DAW1: variants seen among roughly 807,000 people sequenced by gnomAD.
DAW1 encodes the protein dynein assembly factor with WD repeat domains 1.
In DAW1, 47 loss-of-function variants were observed where a neutral mutation model predicts 56.5. That is an observed-to-expected ratio of 0.83 (90% CI 0.66 to 1.06). DAW1 has a LOEUF of 1.06. Ranked by LOEUF, DAW1 falls within the 50% of genes least tolerant of loss-of-function variation. DAW1 has a pLI of 0.00. For synonymous variants in DAW1, 190 were observed against 179.0 expected, an observed-to-expected ratio of 1.06 and a Z score of -0.49; for missense variants, 505 against 499.3, an observed-to-expected ratio of 1.01 and a Z score of -0.11.
chr2:227,871,767 C>T (rs1690755570), intron 1 of DAW1, 38 bp downstream of exon 1: 4 of 1,612,238 alleles, frequency 2.5e-6, no homozygotes, highest in African/African-American at 2.7e-5. Context: ...CCACGTGGGA[C>T]CCTGGGCTCC....
intron 12 of DAW1, among the ~76,000 whole-genome samples, chr2:227,923,581 A>G (rs1196445392): frequency 1.3e-5 from 2 of 152,066 alleles, no homozygotes; most frequent in Admixed American, 6.6e-5. Context: ...GAGATATTCA[A>G]AGTTGCTGTA....
At chr2:227,886,058 T>C (rs1389143631) in intron 2 of DAW1, among the ~76,000 whole-genome samples, 1 of 150,088 alleles carries the variant, frequency 6.7e-6, no homozygotes, top group Non-Finnish European at 1.5e-5. Context: ...CATTGCATCC[T>C]CCGCCTCCTG....
At chr2:227,875,071 A>T (rs1160442785) in intron 1 of DAW1, among the ~76,000 whole-genome samples, 1 of 152,174 alleles carries the variant, frequency 6.6e-6, no homozygotes, top group South Asian at 2.1e-4. Flanking sequence ...TCCACCGTAC[A>T]TCTCATGTGG....
At chr2:227,918,641 G>C in intron 10 of DAW1, 139 bp from the exon 11 acceptor site, 1 of 860,876 alleles carries the variant, frequency 1.2e-6, no homozygotes, top group Non-Finnish European at 1.8e-6. Context: ...TAAGTATCTG[G>C]CTCTCAACAC....
chr2:227,889,808 C>T, intron 2 of DAW1, 48 bp from the exon 3 acceptor site: 1 of 1,497,396 alleles, frequency 6.7e-7, no homozygotes, highest in Non-Finnish European at 8.9e-7. Flanking sequence ...TAGGTATATG[C>T]AAATTTTGAC....
intron 6 of DAW1, among the ~76,000 whole-genome samples, chr2:227,901,804 AG>A (rs1380122439): frequency 1.3e-5 from 2 of 152,164 alleles, no homozygotes; most frequent in Non-Finnish European, 2.9e-5. Context: ...AGTTGCTAAG[AG>A]GGGTACATAA....
At chr2:227,873,575 G>A (rs577275280) in intron 1 of DAW1, among the ~76,000 whole-genome samples, 20 of 152,228 alleles carry the variant, frequency 1.3e-4, no homozygotes, top group African/African-American at 4.6e-4. Flanking sequence ...TTTCTCCAAT[G>A]GGAAGTTGAC....
At chr2:227,910,796 C>A (rs564069669) in intron 10 of DAW1, among the ~76,000 whole-genome samples, 141 of 152,214 alleles carry the variant, frequency 9.3e-4, no homozygotes, top group Admixed American at 1.9e-3. Context: ...CATCATTTCC[C>A]TGACTACTAT....
chr2:227,907,067 C>A (rs1158306022), intron 9 of DAW1, 71 bp from the exon 10 acceptor site: 6 of 1,061,966 alleles, frequency 5.6e-6, no homozygotes, highest in Non-Finnish European at 8.3e-6. Flanking sequence ...ATGAAGACCA[C>A]TGGCCATCTT....
intron 12 of DAW1, among the ~76,000 whole-genome samples, chr2:227,923,311 A>G (rs1185761456): frequency 6.6e-6 from 1 of 152,222 alleles, no homozygotes; most frequent in Admixed American, 6.5e-5. Flanking sequence ...TGGATTTAGA[A>G]TCACAAAGTA....
intron 6 of DAW1, among the ~76,000 whole-genome samples, chr2:227,902,061 G>A (rs1691559118): frequency 6.6e-6 from 1 of 152,096 alleles, no homozygotes; most frequent in Non-Finnish European, 1.5e-5. Flanking sequence ...GGAGGGGTGA[G>A]GATGGAAGTA....
At chr2:227,879,237 T>C (rs1245388256) in intron 1 of DAW1, among the ~76,000 whole-genome samples, 1 of 152,338 alleles carries the variant, frequency 6.6e-6, no homozygotes. Context: ...AAGCTGCTGA[T>C]GTGGAATATT....
At chr2:227,875,318 A>G (rs979779304) in intron 1 of DAW1, among the ~76,000 whole-genome samples, 3 of 152,186 alleles carry the variant, frequency 2.0e-5, no homozygotes, top group African/African-American at 7.2e-5. Flanking sequence ...TCTATATGGC[A>G]ATGGGATGGC....
chr2:227,897,093 G>GAAAAAAAAAAAA (rs200209188), intron 5 of DAW1, among the ~76,000 whole-genome samples: 1 of 92,306 alleles, frequency 1.1e-5, no homozygotes. Flanking sequence ...CTCAAAAAAA[G>GAAAAAAAAAAAA]AAAAAAAAAA....
At chr2:227,907,105 T>C in intron 9 of DAW1, 33 bp from the exon 10 acceptor site, 1 of 1,439,772 alleles carries the variant, frequency 6.9e-7, no homozygotes, top group Non-Finnish European at 9.5e-7. Flanking sequence ...GTCATAGTCT[T>C]TTTTTTTTTG....
chr2:227,893,470 A>T (rs930826002), intron 4 of DAW1, among the ~76,000 whole-genome samples: 1 of 152,066 alleles, frequency 6.6e-6, no homozygotes, highest in Non-Finnish European at 1.5e-5. Context: ...GTTCAAGACC[A>T]GTCTGGCCAA....
intron 2 of DAW1, 59 bp downstream of exon 2, chr2:227,885,482 G>C: frequency 1.6e-6 from 2 of 1,280,280 alleles, no homozygotes; most frequent in South Asian, 2.7e-5. Flanking sequence ...GACACAGAGT[G>C]ATGTGTGGAT....
rs755454844 is a variant in DAW1 at position 227,893,842 on chromosome 2, C to T, written c.365C>T (p.Ala122Val). The change falls in exon 5 of 13, where the codon GCG becomes GTG. Residue 122 changes from alanine (A) to valine (V), a missense_variant. Physicochemically the swap from Ala to Val is moderately conservative, Grantham distance 64 (BLOSUM62 0). Coordinates refer to ENST00000309931, the MANE Select transcript of DAW1 (RefSeq NM_178821.3). Reference protein sequence around the residue: ...YDRTCKLWDTASGEELNTLEG... With the variant: ...YDRTCKLWDTVSGEELNTLEG... ...CGGACGTGCAAGCTCTGGGACACTG[C>T]GTCTGGAGAGGAGCTGAACACGCTG... The T allele has an allele frequency of 6.2e-6, 10 of 1,613,690 alleles. No homozygotes were observed. The highest frequency in any genetic ancestry group is 3.3e-5 in the Admixed American group (2 of 59,960).
intron 10 of DAW1, among the ~76,000 whole-genome samples, chr2:227,916,787 T>C (rs1418083143): frequency 6.6e-6 from 1 of 152,220 alleles, no homozygotes; most frequent in Non-Finnish European, 1.5e-5. Flanking sequence ...CACATCAGGC[T>C]ATACTATGTC....
Sources: gnomAD v4.1 joint callset for allele counts (sites outside exome capture counted in the v4.1 genomes callset) on GRCh38, gnomAD v4.1.1 for gene constraint, MANE v1.5 for transcripts, NCBI Gene and HGNC (gene_info 2026-07-23, HGNC 2026-07-21) for gene names.